AKAP6: variants seen among roughly 807,000 people sequenced by gnomAD.
AKAP6 encodes the protein A-kinase anchor protein 6.
In AKAP6, 58 loss-of-function variants were observed where a neutral mutation model predicts 188.5. The observed-to-expected ratio is 0.31, with a 90% CI of 0.25 to 0.38. The LOEUF is 0.38. Among genes scored for constraint, AKAP6 ranks in the 10% least tolerant of loss-of-function variants. The pLI is 1.00. For synonymous variants in AKAP6, 989 were observed against 998.6 expected (o/e 0.99, Z 0.18); for missense variants, 2,710 against 2,740.0 (o/e 0.99, Z 0.24).
intron 4 of AKAP6, among the ~76,000 whole-genome samples, chr14:32,576,539 T>G (rs947626215): frequency 6.6e-6 from 1 of 152,218 alleles, no homozygotes; most frequent in African/African-American, 2.4e-5. Context: ...GGTCCCACTT[T>G]CTACGCTTCC....
At chr14:32,352,071 CTGTGTGTG>C (rs147604276) in intron 1 of AKAP6, among the ~76,000 whole-genome samples, 243 of 134,080 alleles carry the variant, frequency 1.8e-3, no homozygotes, top group African/African-American at 7.1e-3. Context: ...TTGGGAGACC[CTGTGTGTG>C]TGTGTGTGTG....
chr14:32,499,799 G>T (rs1880514230), intron 2 of AKAP6, among the ~76,000 whole-genome samples: 1 of 151,628 alleles, frequency 6.6e-6, no homozygotes, highest in African/African-American at 2.4e-5. Flanking sequence ...TAAAAAGAGA[G>T]CGAGATTAGA....
At chr14:32,615,236 G>A (rs1021640508) in intron 7 of AKAP6, among the ~76,000 whole-genome samples, 1 of 148,682 alleles carries the variant, frequency 6.7e-6, no homozygotes, top group Non-Finnish European at 1.5e-5. Context: ...GCTTTCACAA[G>A]GGTAACAAGC....
chr14:32,721,057 T>C (rs2030508069), intron 9 of AKAP6, among the ~76,000 whole-genome samples: 1 of 152,226 alleles, frequency 6.6e-6, no homozygotes, highest in Admixed American at 6.5e-5. Flanking sequence ...TTGCATACTC[T>C]GACAGATATT....
intron 7 of AKAP6, among the ~76,000 whole-genome samples, chr14:32,660,216 G>A (rs1037331246): frequency 5.3e-5 from 8 of 152,084 alleles, no homozygotes; most frequent in African/African-American, 1.7e-4. Context: ...TGGAATAAAT[G>A]CAACAACCAG....
chr14:32,449,676 A>G (rs1332751883), intron 2 of AKAP6, among the ~76,000 whole-genome samples: 3 of 152,224 alleles, frequency 2.0e-5, no homozygotes, highest in African/African-American at 7.2e-5. Context: ...ACTTTGAGTC[A>G]TATGGCCTGA....
chr14:32,660,931 C>T lies in AKAP6; in HGVS notation c.2731-17380C>T, dbSNP rs2383366. 8.6e-5 allele frequency among the ~76,000 whole-genome samples: 9 copies of T among 104,328 alleles called. 1 individual carries two copies. In the South Asian group the frequency reaches 3.0e-3, roughly 35 times the overall value. 68.4% of individuals were successfully genotyped at this position (104,328 alleles called of 152,430 possible). ...TATATTTTCTTCCCCGCCACCCCCC[C>T]CCCTCCCAATTCCAGCCATTTGTCC... On this transcript the variant is annotated intron_variant, in intron 7 of 13. Transcript: ENST00000280979.
At chr14:32,459,822 T>A (rs1891265013) in intron 2 of AKAP6, among the ~76,000 whole-genome samples, 1 of 151,570 alleles carries the variant, frequency 6.6e-6, no homozygotes, top group Non-Finnish European at 1.5e-5. Context: ...TTTAGCCACA[T>A]AGAACTTCAG....
chr14:32,331,558 A>G (rs764146608), intron 1 of AKAP6, among the ~76,000 whole-genome samples: 7 of 152,064 alleles, frequency 4.6e-5, no homozygotes, highest in Non-Finnish European at 1.0e-4. Context: ...GAGAGCTATC[A>G]TCCTAATGTT....
chr14:32,465,239 T>C (rs1342540440), intron 2 of AKAP6, among the ~76,000 whole-genome samples: 1 of 152,214 alleles, frequency 6.6e-6, no homozygotes, highest in East Asian at 1.9e-4. Context: ...AAAAAACTAC[T>C]TTAAATTTCA....
chr14:32,403,447 T>G (rs764196487), intron 1 of AKAP6: 23 of 152,224 alleles, frequency 1.5e-4, no homozygotes, highest in Non-Finnish European at 2.4e-4. Context: ...TTAGACTGAT[T>G]GTATTTTTTA....
intron 7 of AKAP6, among the ~76,000 whole-genome samples, chr14:32,671,764 A>G (rs940069285): frequency 6.7e-6 from 1 of 149,738 alleles, no homozygotes; most frequent in Non-Finnish European, 1.5e-5. Context: ...TACGAAGTCT[A>G]GTATGAGTGA....
At chr14:32,384,433 T>C (rs1188960652) in intron 1 of AKAP6, among the ~76,000 whole-genome samples, 1 of 152,186 alleles carries the variant, frequency 6.6e-6, no homozygotes, top group East Asian at 1.9e-4. Flanking sequence ...TGTTTTGTTG[T>C]TGCTTAGTCA....
chr14:32,457,215 G>A (rs143605754), intron 2 of AKAP6, among the ~76,000 whole-genome samples: 1 of 152,300 alleles, frequency 6.6e-6, no homozygotes, highest in African/African-American at 2.4e-5. Context: ...CTACTGAGTG[G>A]TATCTACTGA....
intron 9 of AKAP6, among the ~76,000 whole-genome samples, chr14:32,700,241 A>G (rs1227656573): frequency 6.6e-6 from 1 of 152,156 alleles, no homozygotes; most frequent in Non-Finnish European, 1.5e-5. Context: ...CTCCTTACCT[A>G]TGCACAAAGG....
chr14:32,396,336 GGAAACTCATTAA>G (rs1447726165), intron 1 of AKAP6, among the ~76,000 whole-genome samples: 9 of 152,060 alleles, frequency 5.9e-5, no homozygotes, highest in Admixed American at 1.3e-4. Flanking sequence ...GCATGTCCTT[GGAAACTCATTAA>G]GAAACTCATT....
chr14:32,740,192 C>G lies in AKAP6; in HGVS notation c.3372+4310C>G, dbSNP rs151164117. ...TGTCTTCTTTTGAGAAATGGCTATT[C>G]AAACCTTTTGCCCATTTTTTGATCA... On this transcript the variant is annotated intron_variant, in intron 11 of 13. Coordinates refer to ENST00000280979, the MANE Select transcript of AKAP6 (RefSeq NM_004274.5). Among the ~76,000 whole-genome samples, 141 of 152,164 alleles carry G rather than the reference C, an allele frequency of 9.3e-4. No homozygotes were observed. The East Asian group carries it at 0.025, about 28-fold the overall frequency.
At chr14:32,653,911 A>G (rs1432859601) in intron 7 of AKAP6, among the ~76,000 whole-genome samples, 1 of 152,148 alleles carries the variant, frequency 6.6e-6, no homozygotes. Context: ...AAGTTGAATG[A>G]GTGGCACTTT....
intron 12 of AKAP6, among the ~76,000 whole-genome samples, chr14:32,786,928 C>G (rs1308468676): frequency 6.6e-6 from 1 of 152,210 alleles, no homozygotes; most frequent in South Asian, 2.1e-4. Context: ...TCCAGAACTC[C>G]AGCATTGAAA....
Sources: gnomAD v4.1 joint callset for allele counts (sites outside exome capture counted in the v4.1 genomes callset) on GRCh38, gnomAD v4.1.1 for gene constraint, MANE v1.5 for transcripts, NCBI Gene and HGNC (gene_info 2026-07-23, HGNC 2026-07-21) for gene names.